HRH1: variants seen among roughly 807,000 people sequenced by gnomAD.
HRH1 encodes the protein histamine receptor H1, also known as histamine H1 receptor.
HRH1 carries 6 observed loss-of-function variants against 10.3 expected under a neutral mutation model. The observed-to-expected ratio is 0.58, with a 90% CI of 0.32 to 1.15. The LOEUF (loss-of-function observed/expected upper bound fraction) is 1.15, where lower values mean the gene tolerates loss of function less well. Ranked by LOEUF, HRH1 falls within the 50% of genes most tolerant of loss-of-function variation. The pLI, the probability that HRH1 is intolerant of heterozygous loss-of-function variation, is 0.05. For synonymous variants in HRH1, 242 were observed against 236.7 expected (o/e 1.02, Z -0.21); for missense variants, 514 against 615.3 (o/e 0.84, Z 1.74).
chr3:11,161,880 G>T (rs1446593377), intron 1 of HRH1, among the ~76,000 whole-genome samples: 1 of 152,164 alleles, frequency 6.6e-6, no homozygotes, highest in Non-Finnish European at 1.5e-5. Flanking sequence ...GGGGGCGGTG[G>T]GAAGGGCCGA....
At chr3:11,220,330 G>A (rs544348747) in intron 1 of HRH1, among the ~76,000 whole-genome samples, 29 of 152,272 alleles carry the variant, frequency 1.9e-4, no homozygotes, top group East Asian at 7.7e-4. Flanking sequence ...TGGTAAAGCC[G>A]CCTGTCTCTG....
chr3:11,176,467 G>A (rs1199177288), intron 1 of HRH1, among the ~76,000 whole-genome samples: 1 of 152,066 alleles, frequency 6.6e-6, no homozygotes, highest in Non-Finnish European at 1.5e-5. Context: ...CTAGGCTAAC[G>A]TGGGGTGGGG....
chr3:11,182,591 C>T (rs952629029), intron 1 of HRH1, among the ~76,000 whole-genome samples: 5 of 152,146 alleles, frequency 3.3e-5, no homozygotes, highest in African/African-American at 7.2e-5. Flanking sequence ...GTTCTCAGCA[C>T]ATCTGGAATG....
At chr3:11,231,829 A>G (rs1439633013) in intron 1 of HRH1, among the ~76,000 whole-genome samples, 1 of 151,834 alleles carries the variant, frequency 6.6e-6, no homozygotes, top group Non-Finnish European at 1.5e-5. Flanking sequence ...TTTCCTTTTG[A>G]TGGGGTCCAA....
intron 1 of HRH1, among the ~76,000 whole-genome samples, chr3:11,162,297 TC>T (rs1289309829): frequency 6.6e-6 from 1 of 151,982 alleles, no homozygotes; most frequent in African/African-American, 2.4e-5. Context: ...GTGATGATGC[TC>T]CCATCGAGTG....
intron 1 of HRH1, among the ~76,000 whole-genome samples, chr3:11,213,761 A>G (rs1329628915): frequency 6.6e-6 from 1 of 152,252 alleles, no homozygotes; most frequent in Non-Finnish European, 1.5e-5. Flanking sequence ...GAGAGACACA[A>G]ACATTCAAAC....
At position 11,260,676 on chromosome 3, in the gene HRH1, C is replaced by T. The variant is rs199865702; in HGVS notation, c.*175C>T. On this transcript the variant is annotated 3_prime_UTR_variant, in exon 2 of 2. Coordinates refer to ENST00000431010, the MANE Select transcript of HRH1 (RefSeq NM_001098212.2). ...GGCACCATAGAAGAACAGCAGATGG[C>T]GGTGATCAGCAGAGAGATTGAACTT... The T allele has an allele frequency of 1.3e-5, 8 of 592,664 alleles. No individual in the cohort carries two copies. Among genetic ancestry groups the T allele is most frequent in the East Asian group, 8.2e-5 (3 of 36,648 alleles). 36.7% of individuals were successfully genotyped at this position (592,664 alleles called of 1,614,324 possible). A position where few individuals can be genotyped will look rare whatever the true frequency, so the allele number is the denominator to read the frequency against.
intron 1 of HRH1, among the ~76,000 whole-genome samples, chr3:11,175,893 T>C (rs13322974): frequency 0.03 from 4,529 of 152,242 alleles, 143 homozygotes; most frequent in East Asian, 0.089. Context: ...GCACATGGGC[T>C]CACGCCTGTA....
chr3:11,217,255 C>T (rs966000477), intron 1 of HRH1, among the ~76,000 whole-genome samples: 10 of 150,740 alleles, frequency 6.6e-5, no homozygotes, highest in Admixed American at 2.0e-4. Flanking sequence ...TGGGGCCAGG[C>T]GCAGTGGCTC....
At chr3:11,234,500 C>T (rs939719325) in intron 1 of HRH1, 2 of 1,464,940 alleles carry the variant, frequency 1.4e-6, no homozygotes, top group Admixed American at 1.7e-5. Flanking sequence ...ACAGGGGCCG[C>T]TGGCCATTCC....
At position 11,192,506 on chromosome 3, in the gene HRH1, GT is replaced by G. The variant is rs1422281198; in HGVS notation, c.-36+37953del. 7.9e-5 allele frequency among the ~76,000 whole-genome samples: 12 copies of G among 152,266 alleles called. No individual in the cohort carries two copies. The East Asian group carries it at 2.3e-3, about 29-fold the overall frequency. On this transcript the variant is annotated intron_variant, in intron 1 of 1. Transcript: ENST00000431010. ...GTAGGTGCAGGGTGCCCCATTTGGG[GT>G]GATGATAAATAGGGCTGTTGTGGAC... is the stretch of plus-strand genomic sequence containing the variant.
intron 1 of HRH1, among the ~76,000 whole-genome samples, chr3:11,146,746 C>T (rs867321957): frequency 2.0e-5 from 3 of 152,238 alleles, no homozygotes; most frequent in South Asian, 4.1e-4. Context: ...AGAGGAGAAA[C>T]GAATGGGTGT....
At chr3:11,257,979 C>A (rs1337428231) in intron 1 of HRH1, among the ~76,000 whole-genome samples, 1 of 152,102 alleles carries the variant, frequency 6.6e-6, no homozygotes, top group Non-Finnish European at 1.5e-5. Context: ...TTCCAGCCTA[C>A]TAGCAAGGGT....
intron 1 of HRH1, among the ~76,000 whole-genome samples, chr3:11,147,951 G>C (rs1034966691): frequency 6.6e-6 from 1 of 152,102 alleles, no homozygotes; most frequent in Admixed American, 6.5e-5. Flanking sequence ...AGAGGCCAAG[G>C]TGGGTGGATC....
At chr3:11,196,950 A>C (rs555416467) in intron 1 of HRH1, among the ~76,000 whole-genome samples, 1 of 105,010 alleles carries the variant, frequency 9.5e-6, no homozygotes, top group African/African-American at 3.7e-5. Context: ...TCTACTAAAA[A>C]TACAAAAAAA....
chr3:11,212,197 A>C (rs1044149832), intron 1 of HRH1, among the ~76,000 whole-genome samples: 1 of 152,212 alleles, frequency 6.6e-6, no homozygotes, highest in South Asian at 2.1e-4. Context: ...AAGTTTGCAG[A>C]GTAGATTTTC....
intron 1 of HRH1, among the ~76,000 whole-genome samples, chr3:11,233,368 C>T (rs757598516): frequency 7.9e-5 from 12 of 152,130 alleles, no homozygotes; most frequent in Non-Finnish European, 1.3e-4. Flanking sequence ...TGATTCTTTC[C>T]TCTGTTCCTA....
chr3:11,194,785 A>G (rs979242113), intron 1 of HRH1, among the ~76,000 whole-genome samples: 1 of 152,212 alleles, frequency 6.6e-6, no homozygotes, highest in African/African-American at 2.4e-5. Flanking sequence ...ATTGCACTCC[A>G]GCTGGGGCGA....
intron 1 of HRH1, chr3:11,226,174 GAC>G (rs1938874208): frequency 6.6e-6 from 1 of 152,152 alleles, no homozygotes; most frequent in South Asian, 2.1e-4. Flanking sequence ...CGAAGGTATT[GAC>G]ATATACTAGC....
Sources: gnomAD v4.1 joint callset for allele counts (sites outside exome capture counted in the v4.1 genomes callset) on GRCh38, gnomAD v4.1.1 for gene constraint, MANE v1.5 for transcripts, NCBI Gene and HGNC (gene_info 2026-07-23, HGNC 2026-07-21) for gene names.